Variants in LPIN2 observed in about 807,000 individuals in gnomAD.
The protein encoded by LPIN2 is lipin 2.
In LPIN2, 55 loss-of-function variants were observed where a neutral mutation model predicts 111.4. That is an observed-to-expected ratio of 0.49 (90% CI 0.40 to 0.62). LPIN2 has a LOEUF of 0.62. Among genes scored for constraint, LPIN2 ranks in the 20% least tolerant of loss-of-function variants. The pLI is 0.00. For synonymous variants in LPIN2, 425 were observed against 414.0 expected, an observed-to-expected ratio of 1.03 and a Z score of -0.32; for missense variants, 992 against 1,112.1, an observed-to-expected ratio of 0.89 and a Z score of 1.54.
chr18:2,967,192 T>C (rs1321233350), intron 1 of LPIN2: 2 of 152,196 alleles, frequency 1.3e-5, no homozygotes, highest in African/African-American at 4.8e-5. Context: ...TACTATTCAC[T>C]AGAACCCAGT....
In LPIN2 at chr18:3,005,304, C is replaced by T. The variant is rs543637485; in HGVS notation, c.-10+7783G>A. On this transcript the variant is annotated intron_variant, in intron 1 of 19. Transcript: ENST00000677752. ...GGTAGAGGCTGCAGCGAGCCAAGAT[C>T]GTGCATCACTGCACTCCTGCCTGGG... Among the ~76,000 whole-genome samples the T allele has an allele frequency of 6.6e-5, 10 of 151,672 alleles. No individual in the cohort carries two copies. In the East Asian group the frequency reaches 1.7e-3, roughly 26 times the overall value.
intron 1 of LPIN2, among the ~76,000 whole-genome samples, chr18:3,009,353 C>T (rs987632906): frequency 2.6e-5 from 4 of 151,462 alleles, no homozygotes; most frequent in Admixed American, 1.3e-4. Context: ...CAGCCGAGAT[C>T]ATGACACTGC....
At chr18:2,995,619 T>C (rs193029738) in intron 1 of LPIN2, among the ~76,000 whole-genome samples, 79 of 152,288 alleles carry the variant, frequency 5.2e-4, no homozygotes, top group Non-Finnish European at 9.1e-4. Flanking sequence ...CCACACAGGA[T>C]AAAAATGAGT....
intron 1 of LPIN2, among the ~76,000 whole-genome samples, chr18:3,005,077 C>G (rs57408394): frequency 6.6e-6 from 1 of 152,154 alleles, no homozygotes; most frequent in Non-Finnish European, 1.5e-5. Context: ...CAGCCAGGTG[C>G]GGTGGCTCAT....
In LPIN2 at chr18:2,920,057, G is replaced by A. The variant is rs2077029272; in HGVS notation, c.*236C>T. 5.1e-6 allele frequency: 3 copies of A among 590,914 alleles called. No homozygotes were observed. The highest frequency in any genetic ancestry group is 2.9e-5 in the East Asian group (1 of 35,026). The allele number at this position is 590,914 out of a possible 1,614,324, so 36.6% of individuals were successfully genotyped here. A position where few individuals can be genotyped will look rare whatever the true frequency, so the allele number is the denominator to read the frequency against. On this transcript the variant is annotated 3_prime_UTR_variant, in exon 20 of 20. Transcript: ENST00000677752. ...ACATGTGTGCGACCCACAAAGGAGG[G>A]ATCCCAGGCCTCCAGCCCCAGGCCC...
chr18:2,988,012 CAAAAAAAAAAAAAAAAA>C (rs761121515), intron 1 of LPIN2, among the ~76,000 whole-genome samples: 1 of 32,344 alleles, frequency 3.1e-5, no homozygotes, highest in Non-Finnish European at 6.4e-5. Flanking sequence ...GAGACTGTCT[CAAAAAAAAAAAAAAAAA>C]AAAAAAAAAG....
intron 3 of LPIN2, 114 bp from the exon 4 acceptor site, chr18:2,951,470 T>G: frequency 4.5e-6 from 4 of 888,026 alleles, no homozygotes; most frequent in Non-Finnish European, 7.0e-6. Flanking sequence ...AAAATACATA[T>G]TCCCTAAAGG....
intron 1 of LPIN2, among the ~76,000 whole-genome samples, chr18:3,005,371 AAAAAG>A (rs1489010939): frequency 2.0e-5 from 3 of 150,750 alleles, no homozygotes; most frequent in Non-Finnish European, 2.9e-5. Flanking sequence ...AAAGAAAAAG[AAAAAG>A]AAAAGAAAAG....
At chr18:2,960,397 C>A (rs541923015) in intron 2 of LPIN2, among the ~76,000 whole-genome samples, 1 of 151,924 alleles carries the variant, frequency 6.6e-6, no homozygotes, top group East Asian at 1.9e-4. Context: ...TAATAATTTT[C>A]AGTTTCCCTT....
At chr18:2,964,973 A>G (rs1598576835) in intron 1 of LPIN2, among the ~76,000 whole-genome samples, 2 of 152,298 alleles carry the variant, frequency 1.3e-5, no homozygotes, top group Middle Eastern at 3.4e-3. Context: ...ATCTTTAAAA[A>G]CGATATTTAA....
intron 7 of LPIN2, among the ~76,000 whole-genome samples, chr18:2,936,714 G>A (rs1316195131): frequency 6.6e-6 from 1 of 152,126 alleles, no homozygotes; most frequent in African/African-American, 2.4e-5. Flanking sequence ...CAAGTAGCTG[G>A]GACCACAGAT....
chr18:2,946,524 A>T, intron 4 of LPIN2: 1 of 1,560,834 alleles, frequency 6.4e-7, no homozygotes, highest in Non-Finnish European at 8.8e-7. Flanking sequence ...CGGTTGTAGC[A>T]CAGCAAGGCC....
intron 13 of LPIN2, among the ~76,000 whole-genome samples, chr18:2,926,122 A>G (rs1313137466): frequency 6.6e-6 from 1 of 152,176 alleles, no homozygotes; most frequent in Admixed American, 6.5e-5. Flanking sequence ...GAGACTCTAG[A>G]AAAAAACAAA....
At chr18:2,978,703 A>G (rs1054829351) in intron 1 of LPIN2, among the ~76,000 whole-genome samples, 1 of 152,224 alleles carries the variant, frequency 6.6e-6, no homozygotes. Flanking sequence ...GGCCTCCACT[A>G]CTGCCTTCAA....
chr18:2,945,855 CA>C (rs1242550534), intron 4 of LPIN2: 2 of 1,460,654 alleles, frequency 1.4e-6, no homozygotes, highest in Non-Finnish European at 1.9e-6. Flanking sequence ...GTCATGTCTA[CA>C]TGGAACAACT....
intron 4 of LPIN2, 138 bp downstream of exon 4, chr18:2,950,917 C>G: frequency 1.1e-6 from 1 of 877,512 alleles, no homozygotes; most frequent in South Asian, 1.4e-5. Flanking sequence ...GCCTTTGCTG[C>G]TTGATTCCAC....
In LPIN2 at chr18:2,919,054, G is replaced by A. The variant is rs1257894281; in HGVS notation, c.*1239C>T. ...TCAGCATACCAAAAGCTCTGGAGCA[G>A]CTTATGGCACACCTTTCCCTGGTGC... On this transcript the variant is annotated 3_prime_UTR_variant, in exon 20 of 20. Coordinates refer to ENST00000677752, the MANE Select transcript of LPIN2 (RefSeq NM_001375808.2). The A allele has an allele frequency of 6.6e-6, 1 of 152,224 alleles. No homozygotes were observed. The highest frequency in any genetic ancestry group is 1.9e-4 in the East Asian group (1 of 5,204). 9.4% of individuals were successfully genotyped at this position (152,224 alleles called of 1,614,324 possible).
chr18:2,921,901 G>T, intron 17 of LPIN2, 146 bp downstream of exon 17: 1 of 1,176,640 alleles, frequency 8.5e-7, no homozygotes, highest in Admixed American at 2.7e-5. Flanking sequence ...AGCAGTATGT[G>T]GTAGGACACC....
chr18:2,939,393 GA>G, intron 6 of LPIN2, 86 bp downstream of exon 6: 8 of 1,532,784 alleles, frequency 5.2e-6, no homozygotes, highest in Non-Finnish European at 7.2e-6. Flanking sequence ...AGCTCAGTCA[GA>G]AATTGCCTCC....
Sources: allele counts gnomAD v4.1 joint callset (sites outside exome capture counted in the v4.1 genomes callset), GRCh38; gene constraint gnomAD v4.1.1; transcripts MANE v1.5; gene names NCBI Gene and HGNC (gene_info 2026-07-23, HGNC 2026-07-21).